Variants in AGO3 observed in about 807,000 individuals in gnomAD.
AGO3 encodes argonaute RISC catalytic component 3, also known as protein argonaute-3.
In AGO3, 16 loss-of-function variants were observed where a neutral mutation model predicts 105.5. The observed-to-expected ratio is 0.15, with a 90% CI of 0.10 to 0.23. AGO3 has a LOEUF of 0.23. Among genes scored for constraint, AGO3 ranks in the 10% least tolerant of loss-of-function variants. The probability of loss-of-function intolerance (pLI) is 1.00; values close to 1 mark genes in which losing one functional copy is unlikely to be tolerated. For missense variants in AGO3, 534 were observed against 1,088.0 expected (o/e 0.49, Z 7.16); for synonymous variants, 340 against 367.3 (o/e 0.93, Z 0.85).
chr1:35,942,153 A>G (rs952814749), intron 1 of AGO3, among the ~76,000 whole-genome samples: 5 of 152,220 alleles, frequency 3.3e-5, no homozygotes, highest in Non-Finnish European at 7.3e-5. Context: ...TTAAAAAAAC[A>G]CAAAGCGGAA....
intron 12 of AGO3, among the ~76,000 whole-genome samples, chr1:36,028,397 C>CT (rs1324213237): frequency 1.9e-5 from 2 of 106,360 alleles, no homozygotes; most frequent in East Asian, 4.0e-4. Context: ...TCCCTCCCCC[C>CT]CCCCCACCCC....
At chr1:36,006,754 A>G (rs1170736596) in intron 6 of AGO3, among the ~76,000 whole-genome samples, 1 of 152,202 alleles carries the variant, frequency 6.6e-6, no homozygotes, top group Non-Finnish European at 1.5e-5. Flanking sequence ...ATTACTACTC[A>G]CTGATTCAAG....
intron 1 of AGO3, among the ~76,000 whole-genome samples, chr1:35,933,640 CAAAAAAAAAAAAA>C (rs34254758): frequency 2.6e-3 from 81 of 31,428 alleles, no homozygotes; most frequent in Non-Finnish European, 3.9e-3. Flanking sequence ...GACCCTGTCT[CAAAAAAAAAAAAA>C]AAAAAAAAAA....
At chr1:35,984,754 C>G (rs545979799) in intron 5 of AGO3, among the ~76,000 whole-genome samples, 1 of 152,042 alleles carries the variant, frequency 6.6e-6, no homozygotes, top group East Asian at 1.9e-4. Context: ...TAAATAAATC[C>G]AAGAGCATAG....
Position 35,952,859 on chromosome 1 carries a change from T to G in AGO3, c.191+6996T>G, listed in dbSNP as rs143237644. Among the ~76,000 whole-genome samples, 75 of 152,328 alleles carry G rather than the reference T, an allele frequency of 4.9e-4. 1 individual carries two copies. In the East Asian group the frequency reaches 0.013, roughly 26 times the overall value. On this transcript the variant is annotated intron_variant, in intron 2 of 18. Transcript: ENST00000373191. Reference sequence around the variant, plus strand: ...ATGATAATGCATTTCCTGGAACATATCCCCATCGTTAAGTGATGCATAACT... The same window carrying G: ...ATGATAATGCATTTCCTGGAACATAGCCCCATCGTTAAGTGATGCATAACT...
Position 35,931,406 on chromosome 1 carries a change from G to A in AGO3, c.-21G>A. ...GTGGCGGGCTCCGTTCTCCCTCGAAGCACTCCCCCCAGCTCCATGAATGGA... is the reference window on the plus strand; with the variant it reads ...GTGGCGGGCTCCGTTCTCCCTCGAAACACTCCCCCCAGCTCCATGAATGGA... On this transcript the variant is annotated 5_prime_UTR_variant, in exon 1 of 19. Coordinates refer to ENST00000373191, the MANE Select transcript of AGO3 (RefSeq NM_024852.4). 6.8e-7 allele frequency: 1 copy of A among 1,476,618 alleles called. No individual in the cohort carries two copies. The highest frequency in any genetic ancestry group is 9.0e-7 in the Non-Finnish European group (1 of 1,110,686). 91.5% of individuals were successfully genotyped at this position (1,476,618 alleles called of 1,614,324 possible).
intron 1 of AGO3, 124 bp downstream of exon 1, chr1:35,931,569 C>A: frequency 9.3e-7 from 1 of 1,070,724 alleles, no homozygotes; most frequent in Non-Finnish European, 1.2e-6. Flanking sequence ...CTCGGTCTCC[C>A]GCCCCTCGCC....
chr1:36,042,776 T>G (rs1263816767), intron 16 of AGO3, among the ~76,000 whole-genome samples: 1 of 152,206 alleles, frequency 6.6e-6, no homozygotes, highest in Admixed American at 6.5e-5. Context: ...AAAATCATGG[T>G]GTCCTCTTAC....
At chr1:35,976,299 ACTG>A (rs1201692072) in intron 5 of AGO3, among the ~76,000 whole-genome samples, 1 of 152,050 alleles carries the variant, frequency 6.6e-6, no homozygotes, top group Non-Finnish European at 1.5e-5. Flanking sequence ...ATAGATACTA[ACTG>A]GTAATTGCTT....
chr1:36,036,296 A>C, intron 14 of AGO3, 29 bp downstream of exon 14: 1 of 1,597,592 alleles, frequency 6.3e-7, no homozygotes, highest in Non-Finnish European at 8.6e-7. Flanking sequence ...TATCTTACCT[A>C]AGGTTGACAG....
chr1:36,033,478 T>C (rs1236086966), intron 12 of AGO3, among the ~76,000 whole-genome samples: 3 of 151,006 alleles, frequency 2.0e-5, no homozygotes, highest in African/African-American at 7.3e-5. Flanking sequence ...CCCTCATCTC[T>C]ACTTAAATAA....
rs531021983 is a variant in AGO3 at position 36,067,625 on chromosome 1, A to T, written c.*11880A>T. The T allele has an allele frequency of 6.6e-6, 1 of 152,322 alleles. No homozygotes were observed. Among genetic ancestry groups the T allele is most frequent in the East Asian group, 1.9e-4 (1 of 5,182 alleles). The allele number at this position is 152,322 out of a possible 1,614,324, so 9.4% of individuals were successfully genotyped here. On this transcript the variant is annotated 3_prime_UTR_variant, in exon 19 of 19. Coordinates refer to ENST00000373191, the MANE Select transcript of AGO3 (RefSeq NM_024852.4). ...AATCCTGCTAGTCTGAATTACAATA[A>T]GGAAATTAAATGAAGGATTTATCTT...
chr1:35,949,163 G>A (rs1292188931), intron 2 of AGO3, among the ~76,000 whole-genome samples: 3 of 152,078 alleles, frequency 2.0e-5, no homozygotes, highest in African/African-American at 2.4e-5. Flanking sequence ...GTCTGGTCTC[G>A]AATTCCCAAC....
At chr1:36,009,932 CTTTTTTT>C (rs58385070) in intron 9 of AGO3, among the ~76,000 whole-genome samples, 1 of 58,202 alleles carries the variant, frequency 1.7e-5, no homozygotes, top group African/African-American at 7.3e-5. Flanking sequence ...TACTAAAATT[CTTTTTTT>C]TTTTTTTTTT....
rs1647071299 is a variant in AGO3, at chr1:35,982,511, A to G, written c.658+9000A>G. The G allele has an allele frequency of 1.1e-5, 7 of 620,582 alleles. No homozygotes were observed. In the South Asian group the frequency reaches 1.2e-4, roughly 10 times the overall value. 38.4% of individuals were successfully genotyped at this position (620,582 alleles called of 1,614,324 possible). A position where few individuals can be genotyped will look rare whatever the true frequency, so the allele number is the denominator to read the frequency against. On this transcript the variant is annotated intron_variant, in intron 5 of 18. Transcript: ENST00000373191. ...AAATGCAAAGAGAATAGAAAGAAAT[A>G]AAAGATAAAAACAAATCAATGAAAT...
intron 11 of AGO3, among the ~76,000 whole-genome samples, chr1:36,024,693 T>C (rs998025284): frequency 6.6e-6 from 1 of 152,190 alleles, no homozygotes; most frequent in Non-Finnish European, 1.5e-5. Context: ...TTTATTTCTT[T>C]ATTTTATTGA....
intron 13 of AGO3, 95 bp downstream of exon 13, chr1:36,034,428 A>AC: frequency 1.2e-6 from 1 of 865,176 alleles, no homozygotes; most frequent in Middle Eastern, 4.1e-4. Flanking sequence ...TGTGTAAGAG[A>AC]CCCCCTTAAT....
At chr1:35,980,692 G>A (rs1647037158) in intron 5 of AGO3, among the ~76,000 whole-genome samples, 2 of 152,196 alleles carry the variant, frequency 1.3e-5, no homozygotes, top group African/African-American at 4.8e-5. Flanking sequence ...CTGTTCAATA[G>A]AGAAGTATGA....
At chr1:35,993,887 A>G (rs1234647905) in intron 5 of AGO3, among the ~76,000 whole-genome samples, 1 of 150,930 alleles carries the variant, frequency 6.6e-6, no homozygotes, top group Non-Finnish European at 1.5e-5. Context: ...AGCTGGGTCT[A>G]CAGGCATGCA....
Sources: allele counts gnomAD v4.1 joint callset (sites outside exome capture counted in the v4.1 genomes callset), GRCh38; gene constraint gnomAD v4.1.1; transcripts MANE v1.5; gene names NCBI Gene and HGNC (gene_info 2026-07-23, HGNC 2026-07-21).